CFAP92: variants seen among roughly 807,000 people sequenced by gnomAD.
The protein encoded by CFAP92 is uncharacterized protein CFAP92.
CFAP92 carries 86 observed loss-of-function variants against 106.3 expected under a neutral mutation model. The observed-to-expected ratio is 0.81, with a 90% confidence interval of 0.68 to 0.97. The LOEUF is 0.97. CFAP92 is among the 50% of genes least tolerant of loss of function. CFAP92 has a pLI of 0.00. For missense variants in CFAP92, 1,204 were observed against 1,283.8 expected (o/e 0.94, Z 0.95); for synonymous variants, 477 against 506.4 (o/e 0.94, Z 0.78).
chr3:129,001,843 G>GCCGTCTGCCCCGCGCCGA, intron 1 of CFAP92: 2 of 1,545,656 alleles, frequency 1.3e-6, no homozygotes, highest in African/African-American at 2.8e-5. Context: ...CGCGGCGCCG[G>GCCGTCTGCCCCGCGCCGA]CCGTCTGCCC....
Position 128,932,987 on chromosome 3 carries a change from TGTC to T in CFAP92, c.2461_2463del (p.Asp821del). 3 of 1,536,128 alleles carry T rather than the reference TGTC, an allele frequency of 2.0e-6. No individual in the cohort carries two copies. In the South Asian group the frequency reaches 3.6e-5, roughly 18 times the overall value. On this transcript the variant is annotated inframe_deletion, in exon 12 of 16. Coordinates refer to ENST00000645291, the MANE Select transcript of CFAP92 (RefSeq NM_001394090.1). The stretch of plus-strand genomic sequence containing the variant: ...CAGAGGGTGGTGCTGTTATAGCAGA[TGTC>T]GTGGATCCTGGAACAAAGAACCACT...
At chr3:128,971,131 CT>C (rs1244474317) in intron 8 of CFAP92, 155 bp downstream of exon 8, 2 of 1,186,500 alleles carry the variant, frequency 1.7e-6, no homozygotes, top group South Asian at 1.4e-5. Context: ...TTGTTTCCCC[CT>C]GTACTATGAA....
At chr3:128,992,431 G>A (rs1018828489) in intron 2 of CFAP92, among the ~76,000 whole-genome samples, 3 of 151,738 alleles carry the variant, frequency 2.0e-5, no homozygotes, top group African/African-American at 4.8e-5. Context: ...GTGTGGTGGC[G>A]TGCACCTGTA....
At chr3:128,959,488 A>G (rs1328639600) in intron 9 of CFAP92, among the ~76,000 whole-genome samples, 1 of 152,214 alleles carries the variant, frequency 6.6e-6, no homozygotes, top group East Asian at 1.9e-4. Flanking sequence ...TTTCTCGAGA[A>G]GCTACTAGAG....
At chr3:128,973,569 T>C (rs1283212133) in intron 7 of CFAP92, among the ~76,000 whole-genome samples, 7 of 151,602 alleles carry the variant, frequency 4.6e-5, no homozygotes, top group Admixed American at 6.6e-5. Context: ...GGTAGGAGAA[T>C]TGCTTGAACC....
upstream of CFAP92, among the ~76,000 whole-genome samples, chr3:128,994,817 C>A (rs529679220): frequency 6.6e-6 from 1 of 152,252 alleles, no homozygotes; most frequent in African/African-American, 2.4e-5. Flanking sequence ...GGGTAGGCCT[C>A]ATGGAGGAAG....
chr3:128,915,230 A>G lies in CFAP92; in HGVS notation c.3169T>C (p.Leu1057=), dbSNP rs1426523713. The G allele has an allele frequency of 9.8e-6, 15 of 1,536,052 alleles. No homozygotes were observed. The highest frequency in any genetic ancestry group is 1.3e-5 in the Non-Finnish European group (15 of 1,146,932). ...SLFANVLEPV[L]DRDRWSWDRH... Reference sequence around the variant, plus strand: ...TCCCAGCTCCACCTGTCTCGATCCAACACAGGCTCCAGTACATTAGCAAAC... The same window carrying G: ...TCCCAGCTCCACCTGTCTCGATCCAGCACAGGCTCCAGTACATTAGCAAAC... The change falls in exon 15 of 16, where the codon TTG becomes CTG. Residue 1057 remains leucine, a synonymous_variant. Transcript: ENST00000645291.
intron 9 of CFAP92, among the ~76,000 whole-genome samples, chr3:128,964,019 C>T (rs994661066): frequency 2.6e-5 from 4 of 152,136 alleles, no homozygotes; most frequent in Non-Finnish European, 5.9e-5. Flanking sequence ...AGAAGGCCAC[C>T]GCAGTCATTT....
chr3:128,975,426 GGGATGGATGGATGGATGGATGGATGGAT>G lies in CFAP92; in HGVS notation c.1021+325_1021+352del, dbSNP rs142490124. ...ATGGATGGATGGAGATGGATGGATA[GGGATGGATGGATGGATGGATGGATGGAT>G]GGATGGATGGATGGATGAATAAATG... On this transcript the variant is annotated intron_variant, in intron 7 of 15. Coordinates refer to ENST00000645291, the MANE Select transcript of CFAP92 (RefSeq NM_001394090.1). 6.0e-5 allele frequency among the ~76,000 whole-genome samples: 9 copies of G among 148,940 alleles called. 1 individual carries two copies. The highest frequency in any genetic ancestry group is 6.0e-4 in the Admixed American group (9 of 14,926).
intron 9 of CFAP92, among the ~76,000 whole-genome samples, chr3:128,949,066 A>C (rs1940537394): frequency 6.6e-6 from 1 of 152,194 alleles, no homozygotes; most frequent in African/African-American, 2.4e-5. Flanking sequence ...ACAATACCAC[A>C]TTCTGGAGAG....
At chr3:128,918,764 C>T (rs927218913) in intron 12 of CFAP92, among the ~76,000 whole-genome samples, 6 of 152,004 alleles carry the variant, frequency 3.9e-5, no homozygotes, top group African/African-American at 1.4e-4. Context: ...ACCATATGGT[C>T]TTCAGGATAA....
rs7619327 is a variant in CFAP92 at position 128,945,112 on chromosome 3, G to C, written c.2217C>G (p.Ala739=). The C allele has an allele frequency of 6.5e-7, 1 of 1,534,090 alleles. No homozygotes were observed. The highest frequency in any genetic ancestry group is 8.7e-7 in the Non-Finnish European group (1 of 1,145,540). Residue 739 remains alanine, a synonymous_variant, in exon 10 of 16, where the codon GCC becomes GCG. Coordinates refer to ENST00000645291, the MANE Select transcript of CFAP92 (RefSeq NM_001394090.1). ...CCCACAGCTGCCTCAAGCCTTGGTC[G>C]GCCAGGCCTTCCAGGATGAAAAGGT... ...KTHLFILEGL[A]DQGLRQLWEN... is the part of the protein sequence containing the mutation.
rs545358361 is a variant in CFAP92, at chr3:128,984,873, G to C, written c.667+2743C>G. Among the ~76,000 whole-genome samples, 6 of 152,230 alleles carry C rather than the reference G, an allele frequency of 3.9e-5. No individual in the cohort carries two copies. In the South Asian group the frequency reaches 1.2e-3, roughly 32 times the overall value. ...CATAACATGAGGCAGAACTCTTACA[G>C]CATTTCTGCACTCCCAAGAAATAAG... On this transcript the variant is annotated intron_variant, in intron 4 of 15. Coordinates refer to ENST00000645291, the MANE Select transcript of CFAP92 (RefSeq NM_001394090.1).
intron 12 of CFAP92, among the ~76,000 whole-genome samples, chr3:128,929,880 C>T (rs1000350741): frequency 2.0e-5 from 3 of 152,078 alleles, no homozygotes; most frequent in African/African-American, 7.2e-5. Context: ...CTAAAAACTA[C>T]TGATTTATAT....
chr3:128,920,732 C>T (rs1937206222), intron 12 of CFAP92, among the ~76,000 whole-genome samples: 1 of 152,056 alleles, frequency 6.6e-6, no homozygotes, highest in Non-Finnish European at 1.5e-5. Context: ...TGCCCTGCCG[C>T]ACTACAATCT....
chr3:128,941,855 T>C (rs2107721832), intron 10 of CFAP92, among the ~76,000 whole-genome samples: 1 of 152,354 alleles, frequency 6.6e-6, no homozygotes, highest in Non-Finnish European at 1.5e-5. Context: ...TGATTTCTTT[T>C]TGACCCACAA....
At chr3:129,017,574 A>G in the CFAP92 span, among the ~76,000 whole-genome samples, 1 of 152,186 alleles carries the variant, frequency 6.6e-6, no homozygotes, top group Non-Finnish European at 1.5e-5. Context: ...GCCGGCTGTC[A>G]GCTGGGGTTG....
chr3:128,932,590 C>T (rs767924212), intron 12 of CFAP92, 110 bp downstream of exon 12: 77 of 1,129,936 alleles, frequency 6.8e-5, no homozygotes, highest in East Asian at 2.3e-4. Flanking sequence ...AGCGCAGGCA[C>T]GACCAGAGGC....
At chr3:128,956,234 TAGAA>T (rs1416978579) in intron 9 of CFAP92, among the ~76,000 whole-genome samples, 1 of 103,978 alleles carries the variant, frequency 9.6e-6, no homozygotes, top group Non-Finnish European at 1.9e-5. Flanking sequence ...AAAAAGAAAA[TAGAA>T]AGAAAAAAAG....
Sources: gnomAD v4.1 joint callset for allele counts (sites outside exome capture counted in the v4.1 genomes callset) on GRCh38, gnomAD v4.1.1 for gene constraint, MANE v1.5 for transcripts, NCBI Gene and HGNC (gene_info 2026-07-23, HGNC 2026-07-21) for gene names.